Variants in TSC2 observed in about 807,000 individuals in gnomAD.
TSC2 encodes the protein tuberin.
TSC2 carries 29 observed loss-of-function variants against 202.2 expected under a neutral mutation model. That is an observed-to-expected ratio of 0.14 (90% confidence interval 0.11 to 0.20). TSC2 has a LOEUF of 0.20. Ranked by LOEUF, TSC2 falls within the 10% of genes least tolerant of loss-of-function variation. TSC2 has a pLI of 1.00. For missense variants in TSC2, 2,429 were observed against 2,420.0 expected (o/e 1.00, Z -0.08); for synonymous variants, 1,349 against 1,044.0 (o/e 1.29, Z -5.63).
chr16:2,069,892 C>T (rs934994629), intron 16 of TSC2, among the ~76,000 whole-genome samples: 6 of 152,192 alleles, frequency 3.9e-5, no homozygotes, highest in Admixed American at 6.5e-5. Context: ...GGATTACAGG[C>T]GTGAGCCACC....
chr16:2,056,361 C>G lies in TSC2; in HGVS notation c.648+117C>G, dbSNP rs45460197. The G allele has an allele frequency of 6.5e-3, 9,279 of 1,431,116 alleles. 49 individuals are homozygous for G. The highest frequency in any genetic ancestry group is 8.2e-3 in the Non-Finnish European group (8,547 of 1,038,732). The allele number at this position is 1,431,116 out of a possible 1,614,324, so 88.7% of individuals were successfully genotyped here. A position where few individuals can be genotyped will look rare whatever the true frequency, so the allele number is the denominator to read the frequency against. ...GCTGTGTAGCCCTGGGCAAGCTGCT[C>G]GGTCTCTCTGAGCCTCAGGAGTCCC... is the stretch of plus-strand genomic sequence containing the variant. On this transcript the variant is annotated intron_variant, in intron 7 of 41. Coordinates refer to ENST00000219476, the MANE Select transcript of TSC2 (RefSeq NM_000548.5).
At chr16:2,075,179 C>G (rs1452436326) in intron 22 of TSC2, 1 of 154,642 alleles carries the variant, frequency 6.5e-6, no homozygotes, top group Non-Finnish European at 1.4e-5. Flanking sequence ...GCTGAGATCA[C>G]GCCACCGCAC....
chr16:2,062,456 C>CCGGAGGGG (rs2086755857), intron 12 of TSC2, 41 bp from the exon 13 acceptor site: 1 of 1,559,734 alleles, frequency 6.4e-7, no homozygotes, highest in Non-Finnish European at 8.7e-7. Flanking sequence ...AAGGAGAGCG[C>CCGGAGGGG]CGGAGGGGCA....
intron 36 of TSC2, 32 bp downstream of exon 36, chr16:2,085,354 A>C (rs750536350): frequency 6.2e-7 from 1 of 1,610,318 alleles, no homozygotes; most frequent in Non-Finnish European, 8.5e-7. Flanking sequence ...AGGTGCCTGG[A>C]CAGGGCCAGC....
In TSC2 at chr16:2,083,805, G is replaced by A; in HGVS notation, c.3994G>A (p.Ala1332Thr). The A allele has an allele frequency of 1.2e-6, 2 of 1,611,178 alleles. No homozygotes were observed. Among genetic ancestry groups the A allele is most frequent in the South Asian group, 1.1e-5 (1 of 90,578 alleles). The stretch of plus-strand genomic sequence containing the variant: ...GCTAGGCATGGACAGGCGCACGGAT[G>A]CCTACAGCAGGGTGAGTGTGGCTCA... ...AALGMDRRTDAYSRSSSVSSQ... is the reference protein window; with the variant it reads ...AALGMDRRTDTYSRSSSVSSQ... Residue 1332 changes from alanine (A) to threonine (T), a missense_variant, in exon 33 of 42, where the codon GCC becomes ACC. By Grantham distance (58) the Ala-to-Thr change is moderately conservative (BLOSUM62 0). Coordinates refer to ENST00000219476, the MANE Select transcript of TSC2 (RefSeq NM_000548.5).
At chr16:2,048,282 G>A in intron 1 of TSC2, 2 of 1,180,612 alleles carry the variant, frequency 1.7e-6, no homozygotes, top group Non-Finnish European at 2.5e-6. Flanking sequence ...GGGTAGAGGA[G>A]AGACGGCAAA....
intron 30 of TSC2, 200 bp from the exon 31 acceptor site, chr16:2,081,395 C>A (rs1435091005): frequency 7.2e-6 from 5 of 690,222 alleles, no homozygotes; most frequent in East Asian, 5.5e-5. Flanking sequence ...CCTGGCGGAG[C>A]CTGGCCTCGA....
intron 19 of TSC2, 70 bp downstream of exon 19, chr16:2,072,004 G>T (rs1412559704): frequency 6.6e-7 from 1 of 1,507,414 alleles, no homozygotes; most frequent in South Asian, 1.3e-5. Context: ...CCACCTGCCT[G>T]CTGGGCCTCC....
At chr16:2,082,777 G>A in intron 32 of TSC2, 1 of 566,438 alleles carries the variant, frequency 1.8e-6, no homozygotes. Flanking sequence ...GGTGGCCTGA[G>A]TCTCCATGGT....
In TSC2 at chr16:2,087,850, C is replaced by G. The variant is rs1346991628; in HGVS notation, c.4990-13C>G. 1 of 1,612,302 alleles carries G rather than the reference C, an allele frequency of 6.2e-7. No individual in the cohort carries two copies. On this transcript the variant is annotated splice_polypyrimidine_tract_variant and intron_variant, in intron 38 of 41. Coordinates refer to ENST00000219476, the MANE Select transcript of TSC2 (RefSeq NM_000548.5). ...GCTGTGTGCGGGGATGACCCTTTCTCTTGTCCGGGCAGGGCCAGTTCAACT... is the reference window on the plus strand; with the variant it reads ...GCTGTGTGCGGGGATGACCCTTTCTGTTGTCCGGGCAGGGCCAGTTCAACT...
At chr16:2,058,617 G>A (rs1460936508) in intron 9 of TSC2, 130 bp from the exon 10 acceptor site, 9 of 1,376,160 alleles carry the variant, frequency 6.5e-6, no homozygotes, top group East Asian at 2.5e-5. Context: ...CTTCCCCAGC[G>A]GTGCTCCTGC....
In TSC2 at chr16:2,089,386, CCAGCAGCCTTAGCAGTGGGGGA is replaced by C; in HGVS notation, c.*779_*800del. The stretch of plus-strand genomic sequence containing the variant: ...CGGTGCAGGCTAACCCTCCCTGAAG[CCAGCAGCCTTAGCAGTGGGGGA>C]CATCTGCCCAGGGGGTGGGGCCGGG... On this transcript the variant is annotated 3_prime_UTR_variant, in exon 42 of 42. Coordinates refer to ENST00000219476, the MANE Select transcript of TSC2 (RefSeq NM_000548.5). 3 of 412,482 alleles carry C rather than the reference CCAGCAGCCTTAGCAGTGGGGGA, an allele frequency of 7.3e-6. No individual in the cohort carries two copies. Among genetic ancestry groups the C allele is most frequent in the Non-Finnish European group, 1.3e-5 (3 of 225,768 alleles). The allele number at this position is 412,482 out of a possible 1,614,324, so 25.6% of individuals were successfully genotyped here.
Position 2,079,002 on chromosome 16 carries a change from C to T in TSC2, c.2967-30C>T. The T allele has an allele frequency of 6.2e-7, 1 of 1,611,420 alleles. No individual in the cohort carries two copies. The highest frequency in any genetic ancestry group is 8.5e-7 in the Non-Finnish European group (1 of 1,179,944). On this transcript the variant is annotated intron_variant, in intron 26 of 41. Transcript: ENST00000219476. This position sits in a 1 kb window ranked among gnomAD's most constrained non-coding sequence, Gnocchi z 4.6. ...TGGCTCGGCCCGCCCTACCTGGCACCCTGACCCTGGTCACGGCCTCTCCCT... is the reference window on the plus strand; with the variant it reads ...TGGCTCGGCCCGCCCTACCTGGCACTCTGACCCTGGTCACGGCCTCTCCCT...
Position 2,076,597 on chromosome 16 carries a change from G to C in TSC2, c.2837+12G>C. Reference sequence around the variant, plus strand: ...GAGAGACCCAAGAGGTACGGCCTGCGGGGGTGTGCCTGGAGTCGGTGTGGG... The same window carrying C: ...GAGAGACCCAAGAGGTACGGCCTGCCGGGGTGTGCCTGGAGTCGGTGTGGG... On this transcript the variant is annotated intron_variant, in intron 25 of 41. Transcript: ENST00000219476. The C allele has an allele frequency of 2.5e-6, 4 of 1,612,650 alleles. 1 individual carries two copies. Among genetic ancestry groups the C allele is most frequent in the South Asian group, 2.2e-5 (2 of 91,066 alleles).
At chr16:2,052,694 T>C (rs1338741757) in intron 3 of TSC2, among the ~76,000 whole-genome samples, 3 of 152,038 alleles carry the variant, frequency 2.0e-5, no homozygotes, top group Non-Finnish European at 2.9e-5. Context: ...TGTTGGTTAA[T>C]GTGGAGAAGG....
intron 16 of TSC2, among the ~76,000 whole-genome samples, chr16:2,067,872 T>G (rs1457892721): frequency 6.6e-6 from 1 of 152,148 alleles, no homozygotes; most frequent in Non-Finnish European, 1.5e-5. Flanking sequence ...TGCTGGGCTG[T>G]GGGGGCCTAT....
At chr16:2,077,864 CGAG>C (rs2089626778) in intron 26 of TSC2, 138 bp downstream of exon 26, 2 of 1,456,340 alleles carry the variant, frequency 1.4e-6, no homozygotes, top group Non-Finnish European at 9.3e-7. Context: ...GAGCCGGTGA[CGAG>C]GGGTGGAAAG....
intron 4 of TSC2, chr16:2,053,781 C>G (rs1043873736): frequency 7.4e-6 from 4 of 540,436 alleles, no homozygotes; most frequent in African/African-American, 1.9e-5. Context: ...TGCCCTTGCA[C>G]CCTTTCGGGG....
chr16:2,061,688 G>A (rs899874449), intron 11 of TSC2, 183 bp from the exon 12 acceptor site: 4 of 953,580 alleles, frequency 4.2e-6, no homozygotes, highest in Non-Finnish European at 6.4e-6. Flanking sequence ...AGGATCTGGG[G>A]GTGTCTCAAC....
Sources: gnomAD v4.1 joint callset for allele counts (sites outside exome capture counted in the v4.1 genomes callset) on GRCh38, gnomAD v4.1.1 for gene constraint, Gnocchi (gnomAD v3.1) non-coding constraint, MANE v1.5 for transcripts, NCBI Gene and HGNC (gene_info 2026-07-23, HGNC 2026-07-21) for gene names.